MYO1B: variants seen among roughly 807,000 people sequenced by gnomAD.
MYO1B encodes unconventional myosin-Ib.
Under a neutral mutation model 159.7 loss-of-function variants are expected in MYO1B, and 72 were observed. The ratio of observed to expected loss-of-function variants is 0.45; its 90% CI spans 0.37 to 0.55. The LOEUF is 0.55. Among genes scored for constraint, MYO1B ranks in the 20% least tolerant of loss-of-function variants. The probability of loss-of-function intolerance (pLI) is 0.00; values close to 1 mark genes in which losing one functional copy is unlikely to be tolerated. For missense variants in MYO1B, 1,062 were observed against 1,364.8 expected, an observed-to-expected ratio of 0.78 and a Z score of 3.50; for synonymous variants, 468 against 473.8, an observed-to-expected ratio of 0.99 and a Z score of 0.16.
chr2:191,399,247 G>C (rs945529947), intron 21 of MYO1B, among the ~76,000 whole-genome samples: 1 of 152,034 alleles, frequency 6.6e-6, no homozygotes, highest in African/African-American at 2.4e-5. Context: ...GCATCAGAGG[G>C]AGACCGTGGA....
At chr2:191,294,960 T>C (rs1401362479) in intron 2 of MYO1B, among the ~76,000 whole-genome samples, 1 of 152,234 alleles carries the variant, frequency 6.6e-6, no homozygotes, top group Non-Finnish European at 1.5e-5. Flanking sequence ...GACAGTCTTT[T>C]TGAATCCCAG....
At chr2:191,300,176 A>AGG (rs1310971658) in intron 3 of MYO1B, among the ~76,000 whole-genome samples, 1 of 152,164 alleles carries the variant, frequency 6.6e-6, no homozygotes, top group Admixed American at 6.5e-5. Context: ...TTGTGATGTA[A>AGG]GGGGGTAAGA....
intron 3 of MYO1B, among the ~76,000 whole-genome samples, chr2:191,301,539 C>T (rs546013063): frequency 6.6e-6 from 1 of 152,138 alleles, no homozygotes; most frequent in South Asian, 2.1e-4. Flanking sequence ...ATTCCGTGTC[C>T]CTAAGAGAAA....
Position 191,379,879 on chromosome 2 carries a change from A to G in MYO1B, c.1186-1583A>G, listed in dbSNP as rs189397476. Among the ~76,000 whole-genome samples the G allele has an allele frequency of 3.2e-3, 493 of 152,328 alleles. 5 individuals carry two copies. The highest frequency in any genetic ancestry group is 0.012 in the African/African-American group (483 of 41,580). On this transcript the variant is annotated intron_variant, in intron 13 of 30. Coordinates refer to ENST00000392318, the MANE Select transcript of MYO1B (RefSeq NM_001130158.3). ...TATACTAGACCAACTTCAGTTTCTA[A>G]TTGAAATTGTTAGCTCTGCGAATTT...
At chr2:191,400,653 G>A in intron 22 of MYO1B, 96 bp from the exon 23 acceptor site, 1 of 1,425,670 alleles carries the variant, frequency 7.0e-7, no homozygotes, top group Non-Finnish European at 9.7e-7. Context: ...CCATTTGGTG[G>A]TGACTAGTGT....
chr2:191,367,307 C>A (rs1694073564), intron 11 of MYO1B, among the ~76,000 whole-genome samples: 2 of 152,138 alleles, frequency 1.3e-5, no homozygotes, highest in Non-Finnish European at 2.9e-5. Flanking sequence ...GGCAAATTGG[C>A]AGCTCCTAGG....
intron 1 of MYO1B, among the ~76,000 whole-genome samples, chr2:191,256,199 ATGGGCTGGGC>A (rs1267905383): frequency 1.3e-5 from 2 of 152,196 alleles, no homozygotes; most frequent in Non-Finnish European, 2.9e-5. Flanking sequence ...TGCAGTGGTT[ATGGGCTGGGC>A]TCTGGAGACA....
At position 191,425,134 on chromosome 2, in the gene MYO1B, A is replaced by G. The variant is rs1698147159; in HGVS notation, c.*1174A>G. On this transcript the variant is annotated 3_prime_UTR_variant, in exon 31 of 31. Transcript: ENST00000392318. ...TGTATATACATTGGTATTATGTTAA[A>G]TAATAAAATTGTTCTAATTTGGTGC... 1 of 151,964 alleles carries G rather than the reference A, an allele frequency of 6.6e-6. No homozygotes were observed. Among genetic ancestry groups the G allele is most frequent in the South Asian group, 2.1e-4 (1 of 4,830 alleles). The allele number at this position is 151,964 out of a possible 1,614,324, so 9.4% of individuals were successfully genotyped here.
intron 7 of MYO1B, among the ~76,000 whole-genome samples, chr2:191,353,299 G>A (rs1281414736): frequency 6.6e-6 from 1 of 152,142 alleles, no homozygotes; most frequent in East Asian, 1.9e-4. Flanking sequence ...TGTATTTGGG[G>A]ATTTTGCATC....
rs568238858 is a variant in MYO1B, at chr2:191,254,739, G to A, written c.-10+9113G>A. The stretch of plus-strand genomic sequence containing the variant: ...GCTCCTGGCCTCAATCAGTTCTCCT[G>A]CCTTGGTTTCCCAAGTGCTGGGATT... On this transcript the variant is annotated intron_variant, in intron 1 of 30. Coordinates refer to ENST00000392318, the MANE Select transcript of MYO1B (RefSeq NM_001130158.3). 4.2e-4 allele frequency among the ~76,000 whole-genome samples: 64 copies of A among 151,208 alleles called. No individual in the cohort carries two copies. In the South Asian group the frequency reaches 0.012, roughly 28 times the overall value.
chr2:191,288,967 A>G (rs749448094), intron 2 of MYO1B, among the ~76,000 whole-genome samples: 9 of 152,246 alleles, frequency 5.9e-5, no homozygotes, highest in Admixed American at 1.3e-4. Flanking sequence ...ATGTTATTTT[A>G]GACTAATTCG....
chr2:191,312,282 C>T (rs1469598673), intron 3 of MYO1B, among the ~76,000 whole-genome samples: 1 of 152,006 alleles, frequency 6.6e-6, no homozygotes, highest in Non-Finnish European at 1.5e-5. Context: ...TTCTGAAATC[C>T]CACTGTTTGC....
chr2:191,417,542 G>A (rs1254674124), intron 30 of MYO1B, among the ~76,000 whole-genome samples: 1 of 152,100 alleles, frequency 6.6e-6, no homozygotes, highest in African/African-American at 2.4e-5. Context: ...GACAGCAGAA[G>A]CTCCTCAGTG....
At chr2:191,402,010 G>A (rs1408354348) in intron 23 of MYO1B, 2 of 152,824 alleles carry the variant, frequency 1.3e-5, no homozygotes, top group African/African-American at 4.8e-5. Context: ...CAGTCTTCCT[G>A]TATATTTTAC....
At chr2:191,413,958 T>A in intron 27 of MYO1B, 90 bp from the exon 28 acceptor site, 1 of 1,298,884 alleles carries the variant, frequency 7.7e-7, no homozygotes, top group South Asian at 1.6e-5. Flanking sequence ...AGTTGTCAGC[T>A]ACTCCTTAGA....
chr2:191,292,723 A>G (rs867121076), intron 2 of MYO1B, among the ~76,000 whole-genome samples: 1 of 152,160 alleles, frequency 6.6e-6, no homozygotes, highest in African/African-American at 2.4e-5. Context: ...TTGGCCTAGG[A>G]GGAAGTCCAT....
intron 20 of MYO1B, among the ~76,000 whole-genome samples, chr2:191,394,624 A>G (rs1695953950): frequency 6.6e-6 from 1 of 152,224 alleles, no homozygotes; most frequent in African/African-American, 2.4e-5. Flanking sequence ...GGAAATAGAG[A>G]ACTGCCATAA....
At position 191,392,173 on chromosome 2, in the gene MYO1B, C is replaced by A; in HGVS notation, c.2048C>A (p.Ser683Ter). ...IPVEEYSFGR[S>*]KIFIRNPRTL... Reference sequence around the variant, plus strand: ...GTGGAAGAATACTCCTTTGGTAGATCAAAGATATTCATCCGAAACCCAAGA... The same window carrying A: ...GTGGAAGAATACTCCTTTGGTAGATAAAAGATATTCATCCGAAACCCAAGA... The change falls in exon 19 of 31, where the codon TCA (serine) becomes TAA (stop). Residue 683 changes from serine to a stop codon, truncating the protein, a stop_gained. Transcript: ENST00000392318. LOFTEE classifies it high-confidence loss of function. The A allele has an allele frequency of 6.2e-7, 1 of 1,606,092 alleles. No homozygotes were observed. Among genetic ancestry groups the A allele is most frequent in the South Asian group, 1.1e-5 (1 of 90,072 alleles).
chr2:191,376,867 A>G (rs1037551192), intron 13 of MYO1B, among the ~76,000 whole-genome samples: 2 of 152,208 alleles, frequency 1.3e-5, no homozygotes, highest in Admixed American at 6.5e-5. Flanking sequence ...TGTCTTCCTT[A>G]AAGAGTATAA....
Sources: allele counts gnomAD v4.1 joint callset (sites outside exome capture counted in the v4.1 genomes callset), GRCh38; gene constraint gnomAD v4.1.1; transcripts MANE v1.5; gene names NCBI Gene and HGNC (gene_info 2026-07-23, HGNC 2026-07-21).